The following PCDHGB4 variants were observed in gnomAD, a reference collection of about 807,000 sequenced individuals.
PCDHGB4 encodes the protein protocadherin gamma-B4.
PCDHGB4 carries 38 observed loss-of-function variants against 60.5 expected under a neutral mutation model. The observed-to-expected ratio is 0.63, with a 90% CI of 0.48 to 0.82. PCDHGB4 has a LOEUF of 0.82. Ranked by LOEUF, PCDHGB4 falls within the 40% of genes least tolerant of loss-of-function variation. The probability of loss-of-function intolerance (pLI) is 0.00; values close to 1 mark genes in which losing one functional copy is unlikely to be tolerated. For missense variants in PCDHGB4, 1,109 were observed against 1,209.6 expected, an observed-to-expected ratio of 0.92 and a Z score of 1.23; for synonymous variants, 456 against 509.7, an observed-to-expected ratio of 0.89 and a Z score of 1.42.
chr5:141,477,080 A>C lies in PCDHGB4; in HGVS notation c.2398-17727A>C. 1 of 1,614,254 alleles carries C rather than the reference A, an allele frequency of 6.2e-7. No homozygotes were observed. ...GGACACCAAACTCCATGAGATTTAC[A>C]TCCAGGCCAAAGACAAGGGCGCCAA... On this transcript the variant is annotated intron_variant, in intron 1 of 3. Coordinates refer to ENST00000519479, the MANE Select transcript of PCDHGB4 (RefSeq NM_003736.4). This position sits in a 1 kb window ranked among gnomAD's most constrained non-coding sequence, Gnocchi z 4.9.
intron 1 of PCDHGB4, among the ~76,000 whole-genome samples, chr5:141,445,356 A>C (rs1333905692): frequency 6.6e-6 from 1 of 152,202 alleles, no homozygotes; most frequent in Non-Finnish European, 1.5e-5. Flanking sequence ...TGTCTGCCCA[A>C]GTCTGGTCCT....
rs543116266 is a variant in PCDHGB4 at position 141,474,428 on chromosome 5, C to A, written c.2398-20379C>A. 3.9e-5 allele frequency among the ~76,000 whole-genome samples: 6 copies of A among 152,346 alleles called. 1 individual carries two copies. In the South Asian group the frequency reaches 1.0e-3, roughly 26 times the overall value. On this transcript the variant is annotated intron_variant, in intron 1 of 3. Coordinates refer to ENST00000519479, the MANE Select transcript of PCDHGB4 (RefSeq NM_003736.4). ...CGGTGATGCCTAGACCATTGGTCCT[C>A]ACACTTTGAGTAGCAAGTGATTGGG...
intron 1 of PCDHGB4, among the ~76,000 whole-genome samples, chr5:141,446,175 G>A (rs1288608276): frequency 1.3e-5 from 2 of 152,276 alleles, no homozygotes; most frequent in Non-Finnish European, 2.9e-5. Context: ...AGGGCAGGGG[G>A]TGTTTTGTTT....
chr5:141,456,072 T>C (rs1349808406), intron 1 of PCDHGB4, among the ~76,000 whole-genome samples: 2 of 151,950 alleles, frequency 1.3e-5, no homozygotes, highest in Non-Finnish European at 2.9e-5. Flanking sequence ...TAATTTTTTG[T>C]ATTTTCAGTA....
At chr5:141,482,530 CAAAAAAA>C (rs3074545) in intron 1 of PCDHGB4, among the ~76,000 whole-genome samples, 2 of 76,560 alleles carry the variant, frequency 2.6e-5, no homozygotes, top group South Asian at 4.6e-4. Flanking sequence ...GACAGACATG[CAAAAAAA>C]AAAAAAAAAA....
In PCDHGB4 at chr5:141,448,136, A is replaced by G. The variant is rs2098567363; in HGVS notation, c.2398-46671A>G. Among the ~76,000 whole-genome samples, 5 of 152,036 alleles carry G rather than the reference A, an allele frequency of 3.3e-5. No individual in the cohort carries two copies. The South Asian group carries it at 1.0e-3, about 32-fold the overall frequency. On this transcript the variant is annotated intron_variant, in intron 1 of 3. Transcript: ENST00000519479. ...AAAATTAGCCTCCCCCACCCTCACT[A>G]TACCTCAGACTCACCCCTGAAAGAT...
intron 1 of PCDHGB4, chr5:141,404,627 G>A: frequency 6.2e-7 from 1 of 1,614,144 alleles, no homozygotes; most frequent in Non-Finnish European, 8.5e-7. Context: ...GAATGACAAT[G>A]CCCCAGAAAT....
Position 141,489,322 on chromosome 5 carries a change from T to G in PCDHGB4, c.2398-5485T>G. 1.9e-6 allele frequency: 3 copies of G among 1,601,052 alleles called. No homozygotes were observed. The highest frequency in any genetic ancestry group is 2.2e-5 in the East Asian group (1 of 44,726). On this transcript the variant is annotated intron_variant, in intron 1 of 3. Transcript: ENST00000519479. This position sits in a 1 kb window ranked among gnomAD's most constrained non-coding sequence, Gnocchi z 4.5. The stretch of plus-strand genomic sequence containing the variant: ...GTCCTTGTGCTGCTGGGGCTGGGTG[T>G]CTGGGCAGCTTCGTTACTCAGTGGT...
At chr5:141,410,440 G>C in intron 1 of PCDHGB4, 1 of 1,614,036 alleles carries the variant, frequency 6.2e-7, no homozygotes, top group Non-Finnish European at 8.5e-7. Context: ...ACAGTGAGGG[G>C]ACTTTGCCTT....
chr5:141,423,170 A>G, intron 1 of PCDHGB4: 8 of 1,613,504 alleles, frequency 5.0e-6, no homozygotes, highest in Non-Finnish European at 6.8e-6. Context: ...GTGGCCGTCC[A>G]GGACCACGGC....
intron 1 of PCDHGB4, among the ~76,000 whole-genome samples, chr5:141,405,811 ACTGT>A (rs56926516): frequency 0.18 from 26,617 of 151,870 alleles, 2,510 homozygotes; most frequent in Admixed American, 0.28. Flanking sequence ...TTTCTCTTTA[ACTGT>A]CTGTACTTAA....
chr5:141,484,530 A>G (rs1406516272), intron 1 of PCDHGB4, among the ~76,000 whole-genome samples: 1 of 152,200 alleles, frequency 6.6e-6, no homozygotes, highest in East Asian at 1.9e-4. Context: ...TTTTGAGTAT[A>G]TGGCAGTGGT....
intron 1 of PCDHGB4, chr5:141,411,291 C>G (rs2095478163): frequency 6.6e-6 from 1 of 152,158 alleles, no homozygotes; most frequent in South Asian, 2.1e-4. Context: ...ATTCAGAAGA[C>G]AGGCCCAGTG....
chr5:141,407,954 G>A, intron 1 of PCDHGB4: 1 of 640,866 alleles, frequency 1.6e-6, no homozygotes, highest in East Asian at 3.0e-5. Flanking sequence ...GTCGGCCAGT[G>A]CAGAGCAAGC....
intron 1 of PCDHGB4, chr5:141,423,310 G>A (rs1175296469): frequency 1.2e-6 from 2 of 1,614,180 alleles, no homozygotes; most frequent in Admixed American, 1.7e-5. Flanking sequence ...GCTGTACTTG[G>A]TGGTGGCGGT....
At chr5:141,425,719 A>G (rs2096890303) in intron 1 of PCDHGB4, among the ~76,000 whole-genome samples, 1 of 152,200 alleles carries the variant, frequency 6.6e-6, no homozygotes. Context: ...TTCCCATACC[A>G]CTTGATGGGG....
Position 141,387,998 on chromosome 5 carries a change from C to T in PCDHGB4, c.114C>T (p.Pro38=). ...GTGAGCAGATCCGCTACAGGATTCC[C>T]GAGGAAATGCCCAAGGGCTCCGTAG... ...ALCEQIRYRI[P]EEMPKGSVVG... is the part of the protein sequence containing the mutation. Residue 38 remains proline (P), a synonymous_variant, in exon 1 of 4, where the codon CCC becomes CCT. Coordinates refer to ENST00000519479, the MANE Select transcript of PCDHGB4 (RefSeq NM_003736.4). 6.7e-7 allele frequency: 1 copy of T among 1,485,204 alleles called. No homozygotes were observed. The highest frequency in any genetic ancestry group is 1.3e-5 in the South Asian group (1 of 79,562). The allele number at this position is 1,485,204 out of a possible 1,614,324, so 92.0% of individuals were successfully genotyped here. A position where few individuals can be genotyped will look rare whatever the true frequency, so the allele number is the denominator to read the frequency against.
At chr5:141,401,861 G>A (rs934405271) in intron 1 of PCDHGB4, among the ~76,000 whole-genome samples, 3 of 152,122 alleles carry the variant, frequency 2.0e-5, no homozygotes, top group African/African-American at 7.2e-5. Context: ...TAACCTTTCA[G>A]TAGTTTTCTT....
At chr5:141,505,275 AGGTCTTGGGCATGGGGTAG>A (rs1251192617) in intron 2 of PCDHGB4, 99 bp from the exon 3 acceptor site, 87 of 1,525,470 alleles carry the variant, frequency 5.7e-5, no homozygotes, top group Non-Finnish European at 2.0e-5. Context: ...TGAGAGAAAC[AGGTCTTGGGCATGGGGTAG>A]GGTTAGGGTA....
Sources: gnomAD v4.1 joint callset for allele counts (sites outside exome capture counted in the v4.1 genomes callset) on GRCh38, gnomAD v4.1.1 for gene constraint, Gnocchi (gnomAD v3.1) non-coding constraint, MANE v1.5 for transcripts, NCBI Gene and HGNC (gene_info 2026-07-23, HGNC 2026-07-21) for gene names.